The following NUP37 variants were observed in gnomAD, a reference collection of about 807,000 sequenced individuals.
NUP37 encodes the protein nucleoporin Nup37.
Under a neutral mutation model 45.4 loss-of-function variants are expected in NUP37, and 33 were observed. The ratio of observed to expected loss-of-function variants is 0.73; its 90% CI spans 0.55 to 0.97. NUP37 has a LOEUF of 0.97. NUP37 is among the 50% of genes least tolerant of loss of function. The pLI is 0.00. For synonymous variants in NUP37, 127 were observed against 130.7 expected, an observed-to-expected ratio of 0.97 and a Z score of 0.19; for missense variants, 365 against 389.7, an observed-to-expected ratio of 0.94 and a Z score of 0.53.
chr12:102,073,302 T>G lies in NUP37; in HGVS notation c.*1052A>C, dbSNP rs751881186. The G allele has an allele frequency of 9.9e-5, 15 of 152,266 alleles. No individual in the cohort carries two copies. Among genetic ancestry groups the G allele is most frequent in the South Asian group, 8.3e-4 (4 of 4,826 alleles). 9.4% of individuals were successfully genotyped at this position (152,266 alleles called of 1,614,324 possible). The stretch of plus-strand genomic sequence containing the variant: ...ATGCTTCTGACTGTACCATGATGTA[T>G]CCCAAAAATGTGATACAGCTGTCTT... On this transcript the variant is annotated 3_prime_UTR_variant, in exon 10 of 10. Coordinates refer to ENST00000552283, the MANE Select transcript of NUP37 (RefSeq NM_024057.4).
intron 5 of NUP37, among the ~76,000 whole-genome samples, chr12:102,098,552 G>C (rs893330713): frequency 6.7e-6 from 1 of 148,716 alleles, no homozygotes; most frequent in East Asian, 2.0e-4. Flanking sequence ...TTTTTTTTGA[G>C]ATGGAGTGTC....
chr12:102,082,515 T>C (rs555242788), intron 6 of NUP37, among the ~76,000 whole-genome samples: 10 of 152,352 alleles, frequency 6.6e-5, no homozygotes, highest in African/African-American at 2.4e-4. Flanking sequence ...GCTTACTATG[T>C]GCTTTTTAAA....
At position 102,108,648 on chromosome 12, in the gene NUP37, C is replaced by G. The variant is rs7314789; in HGVS notation, c.281+3460G>C. ...ACACGTATGTTATATTTTATACATG[C>G]AAATAAAGGGTAAGAAAAACTGTAA... On this transcript the variant is annotated intron_variant, in intron 3 of 9. Transcript: ENST00000552283. Among the ~76,000 whole-genome samples the G allele has an allele frequency of 5.2e-3, 787 of 152,260 alleles. 9 individuals carry two copies. Among genetic ancestry groups the G allele is most frequent in the African/African-American group, 0.018 (745 of 41,540 alleles).
At chr12:102,106,996 T>A (rs1880174235) in intron 3 of NUP37, among the ~76,000 whole-genome samples, 1 of 152,176 alleles carries the variant, frequency 6.6e-6, no homozygotes, top group African/African-American at 2.4e-5. Flanking sequence ...ACTGGTTCCT[T>A]ACACCCCACA....
intron 3 of NUP37, among the ~76,000 whole-genome samples, chr12:102,107,149 T>G (rs988107432): frequency 6.6e-6 from 1 of 152,250 alleles, no homozygotes. Flanking sequence ...CTTGCAATAC[T>G]TGTTGTCTTA....
intron 6 of NUP37, among the ~76,000 whole-genome samples, chr12:102,085,094 AAAACAAACAAC>A (rs1245157321): frequency 6.6e-6 from 1 of 152,162 alleles, no homozygotes; most frequent in Non-Finnish European, 1.5e-5. Context: ...GATGTAACTT[AAAACAAACAAC>A]AAACAAACAA....
intron 9 of NUP37, 164 bp from the exon 10 acceptor site, chr12:102,074,631 G>A: frequency 3.6e-6 from 2 of 560,752 alleles, no homozygotes; most frequent in East Asian, 5.9e-5. Context: ...TTGATACGCA[G>A]CTGAAACATG....
intron 3 of NUP37, among the ~76,000 whole-genome samples, chr12:102,103,288 T>C (rs1224720249): frequency 1.3e-5 from 2 of 152,198 alleles, no homozygotes; most frequent in Non-Finnish European, 2.9e-5. Context: ...CAATGTTTTA[T>C]CGTTTCTGTG....
At chr12:102,095,929 T>G (rs1487638007) in intron 5 of NUP37, among the ~76,000 whole-genome samples, 1 of 152,126 alleles carries the variant, frequency 6.6e-6, no homozygotes, top group Non-Finnish European at 1.5e-5. Flanking sequence ...ACTGTGCAAC[T>G]TGACTGCCTT....
At chr12:102,105,529 TCAA>T (rs761951937) in intron 3 of NUP37, among the ~76,000 whole-genome samples, 1 of 150,278 alleles carries the variant, frequency 6.7e-6, no homozygotes, top group Non-Finnish European at 1.5e-5. Context: ...AAACCCTGTC[TCAA>T]CAACAACAAG....
At chr12:102,095,177 G>C (rs908549110) in intron 5 of NUP37, among the ~76,000 whole-genome samples, 1 of 152,048 alleles carries the variant, frequency 6.6e-6, no homozygotes, top group Non-Finnish European at 1.5e-5. Context: ...TTCTGTATTA[G>C]TGAGTTTTAA....
chr12:102,088,701 T>A (rs1035183953), intron 5 of NUP37, among the ~76,000 whole-genome samples: 1 of 149,514 alleles, frequency 6.7e-6, no homozygotes, highest in African/African-American at 2.5e-5. Flanking sequence ...GTTTTTGTTT[T>A]AATTTTTTTT....
At position 102,100,967 on chromosome 12, in the gene NUP37, T is replaced by C. The variant is rs1879952683; in HGVS notation, c.354+65A>G. 4.9e-6 allele frequency: 5 copies of C among 1,011,324 alleles called. No individual in the cohort carries two copies. In the South Asian group the frequency reaches 8.0e-5, roughly 16 times the overall value. 62.6% of individuals were successfully genotyped at this position (1,011,324 alleles called of 1,614,324 possible). A position where few individuals can be genotyped will look rare whatever the true frequency, so the allele number is the denominator to read the frequency against. ...CATTTTAAATTGGAATAAATCCAAT[T>C]AAAAAAGCAAAAAACAAACACGTTT... On this transcript the variant is annotated intron_variant, in intron 4 of 9. Transcript: ENST00000552283.
At chr12:102,114,408 G>A (rs1880403604) in intron 2 of NUP37, among the ~76,000 whole-genome samples, 1 of 152,180 alleles carries the variant, frequency 6.6e-6, no homozygotes, top group African/African-American at 2.4e-5. Flanking sequence ...TGTTTTCCTG[G>A]CAGCACTGTT....
At chr12:102,119,529 T>G (rs1254425639) in intron 1 of NUP37, 1 of 152,204 alleles carries the variant, frequency 6.6e-6, no homozygotes, top group Non-Finnish European at 1.5e-5. Context: ...TTTTGGTTTT[T>G]TAAAAAATTC....
At chr12:102,079,325 A>C in intron 6 of NUP37, 1 of 437,410 alleles carries the variant, frequency 2.3e-6, no homozygotes, top group South Asian at 1.6e-5. Context: ...ATAAAACATC[A>C]TTTATTCTAT....
chr12:102,092,505 T>G (rs374432059), intron 5 of NUP37, among the ~76,000 whole-genome samples: 27 of 152,282 alleles, frequency 1.8e-4, no homozygotes, highest in African/African-American at 5.3e-4. Flanking sequence ...AAAACTAGGA[T>G]TTTCTCTTAG....
rs544896336 is a variant in NUP37, at chr12:102,089,474, T to C, written c.450-3618A>G. On this transcript the variant is annotated intron_variant, in intron 5 of 9. Coordinates refer to ENST00000552283, the MANE Select transcript of NUP37 (RefSeq NM_024057.4). Reference sequence around the variant, plus strand: ...AGACGGGGCGGCCGGGCAGAGGCGCTCCTCACTTCCCAGACGGGGCAGCCA... The same window carrying C: ...AGACGGGGCGGCCGGGCAGAGGCGCCCCTCACTTCCCAGACGGGGCAGCCA... Among the ~76,000 whole-genome samples the C allele has an allele frequency of 1.1e-3, 148 of 140,476 alleles. 1 individual carries two copies. Among genetic ancestry groups the C allele is most frequent in the African/African-American group, 4.0e-3 (144 of 36,276 alleles). 92.2% of individuals were successfully genotyped at this position (140,476 alleles called of 152,430 possible). A position where few individuals can be genotyped will look rare whatever the true frequency, so the allele number is the denominator to read the frequency against.
intron 4 of NUP37, among the ~76,000 whole-genome samples, chr12:102,100,432 G>C (rs1879938020): frequency 6.6e-6 from 1 of 152,142 alleles, no homozygotes; most frequent in Non-Finnish European, 1.5e-5. Context: ...CACACATACG[G>C]CGTTTACTAT....
Sources: allele counts gnomAD v4.1 joint callset (sites outside exome capture counted in the v4.1 genomes callset), GRCh38; gene constraint gnomAD v4.1.1; transcripts MANE v1.5; gene names NCBI Gene and HGNC (gene_info 2026-07-23, HGNC 2026-07-21).